Variants in ZNF503 observed in about 807,000 individuals in gnomAD.
ZNF503 encodes NocA-like zinc finger 2.
Under a neutral mutation model 34.4 loss-of-function variants are expected in ZNF503, and 15 were observed. The ratio of observed to expected loss-of-function variants is 0.44; its 90% confidence interval spans 0.29 to 0.67. The LOEUF is 0.67. ZNF503 is among the 30% of genes least tolerant of loss of function. The pLI is 0.13. For missense variants in ZNF503, 1,007 were observed against 926.8 expected, an observed-to-expected ratio of 1.09 and a Z score of -1.12; for synonymous variants, 580 against 456.8, an observed-to-expected ratio of 1.27 and a Z score of -3.44.
At chr10:75,383,366 C>T in the ZNF503 span, among the ~76,000 whole-genome samples, 1 of 152,206 alleles carries the variant, frequency 6.6e-6, no homozygotes, top group Non-Finnish European at 1.5e-5. Context: ...AATCCTCTTC[C>T]TCTAAGGCTC....
chr10:75,374,347 G>A, the ZNF503 span, among the ~76,000 whole-genome samples: 40 of 152,162 alleles, frequency 2.6e-4, no homozygotes, highest in African/African-American at 8.7e-4. Context: ...AGTAAGTCAC[G>A]TCCACTGTTC....
At chr10:75,369,167 C>T in the ZNF503 span, among the ~76,000 whole-genome samples, 4 of 152,106 alleles carry the variant, frequency 2.6e-5, no homozygotes, top group Non-Finnish European at 5.9e-5. Flanking sequence ...TAATAAAACA[C>T]GGGTATAGAA....
the ZNF503 span, among the ~76,000 whole-genome samples, chr10:75,293,150 G>A: frequency 1.7e-4 from 26 of 152,222 alleles, no homozygotes; most frequent in African/African-American, 6.0e-4. Context: ...GTTCGTTGGA[G>A]AAGGGGGCTG....
At chr10:75,343,595 C>A in the ZNF503 span, among the ~76,000 whole-genome samples, 2 of 152,364 alleles carry the variant, frequency 1.3e-5, no homozygotes, top group South Asian at 2.1e-4. Context: ...GTTCAGGGGG[C>A]CTCCCCTTTC....
the ZNF503 span, among the ~76,000 whole-genome samples, chr10:75,349,440 T>TG: frequency 5.2e-5 from 8 of 152,382 alleles, no homozygotes; most frequent in South Asian, 1.4e-3. Flanking sequence ...TGAGTTTTAA[T>TG]GTTAATCTTA....
At chr10:75,289,057 G>C in the ZNF503 span, among the ~76,000 whole-genome samples, 1 of 152,162 alleles carries the variant, frequency 6.6e-6, no homozygotes, top group East Asian at 1.9e-4. Context: ...TATGGAAAGA[G>C]GGCGGCCCTG....
chr10:75,373,472 C>T, the ZNF503 span: 1 of 152,218 alleles, frequency 6.6e-6, no homozygotes. Flanking sequence ...AAGACACTCA[C>T]CTCGCAGACT....
At chr10:75,372,998 AGAAG>A in the ZNF503 span, among the ~76,000 whole-genome samples, 1 of 152,202 alleles carries the variant, frequency 6.6e-6, no homozygotes, top group African/African-American at 2.4e-5. Flanking sequence ...GAGGAAGGAA[AGAAG>A]GAAGGGAGGC....
chr10:75,321,996 T>G, the ZNF503 span, among the ~76,000 whole-genome samples: 32,928 of 152,096 alleles, frequency 0.22, 3,947 homozygotes, highest in African/African-American at 0.31. Flanking sequence ...TTTTAGTAGT[T>G]GCCATGGAGC....
At chr10:75,298,013 G>A in the ZNF503 span, among the ~76,000 whole-genome samples, 1 of 152,150 alleles carries the variant, frequency 6.6e-6, no homozygotes, top group Non-Finnish European at 1.5e-5. Context: ...ACAATCCAAT[G>A]ATTTTTTAGT....
chr10:75,383,358 T>A, the ZNF503 span, among the ~76,000 whole-genome samples: 2 of 152,130 alleles, frequency 1.3e-5, no homozygotes, highest in Non-Finnish European at 2.9e-5. Context: ...ACAGGTCCAA[T>A]CCTCTTCCTC....
At chr10:75,392,465 G>T in the ZNF503 span, among the ~76,000 whole-genome samples, 1 of 152,182 alleles carries the variant, frequency 6.6e-6, no homozygotes, top group African/African-American at 2.4e-5. Context: ...AAATCTAGAG[G>T]GCTTCCTGGA....
the ZNF503 span, among the ~76,000 whole-genome samples, chr10:75,349,906 G>A: frequency 2.6e-5 from 4 of 152,278 alleles, no homozygotes; most frequent in Non-Finnish European, 5.9e-5. Flanking sequence ...AAAGCCTGTC[G>A]GAAATATACA....
the ZNF503 span, among the ~76,000 whole-genome samples, chr10:75,371,624 G>A: frequency 6.6e-6 from 1 of 152,116 alleles, no homozygotes; most frequent in Non-Finnish European, 1.5e-5. Context: ...TTTGTGATTG[G>A]CCCAGCTTGG....
chr10:75,346,954 C>T, the ZNF503 span, among the ~76,000 whole-genome samples: 4 of 152,006 alleles, frequency 2.6e-5, no homozygotes, highest in African/African-American at 9.7e-5. Flanking sequence ...GGCCAGGCGC[C>T]CCCATTTTCA....
chr10:75,350,856 G>T, the ZNF503 span, among the ~76,000 whole-genome samples: 1 of 152,068 alleles, frequency 6.6e-6, no homozygotes, highest in Non-Finnish European at 1.5e-5. Flanking sequence ...GTCCAGCCTG[G>T]CACTTTTTCT....
Position 75,399,934 on chromosome 10 carries a change from C to G in ZNF503, c.756G>C (p.Lys252Asn). The change falls in exon 2 of 2, where the codon AAG becomes AAC. Residue 252 changes from lysine to asparagine, a missense_variant. Transcript: ENST00000372524. ...LSSAGGAPEG[K>N]DDKKDTDVGG... ...CCACGTCGGTGTCTTTCTTGTCGTC[C>G]TTGCCCTCCGGGGCACCCCCGGCCG... 1 of 1,606,642 alleles carries G rather than the reference C, an allele frequency of 6.2e-7. No individual in the cohort carries two copies. Among genetic ancestry groups the G allele is most frequent in the Non-Finnish European group, 8.5e-7 (1 of 1,179,344 alleles).
chr10:75,368,133 T>G, the ZNF503 span, among the ~76,000 whole-genome samples: 2 of 152,180 alleles, frequency 1.3e-5, no homozygotes, highest in Non-Finnish European at 2.9e-5. Context: ...ATCATTCCTC[T>G]TAGGCTACCC....
the ZNF503 span, among the ~76,000 whole-genome samples, chr10:75,346,431 TTTTTC>T: frequency 4.1e-4 from 63 of 152,070 alleles, 1 homozygote; most frequent in East Asian, 0.011. Flanking sequence ...TTCTCTATCT[TTTTTC>T]TTTTCTTTTT....
Sources: gnomAD v4.1 joint callset for allele counts (sites outside exome capture counted in the v4.1 genomes callset) on GRCh38, gnomAD v4.1.1 for gene constraint, MANE v1.5 for transcripts, NCBI Gene and HGNC (gene_info 2026-07-23, HGNC 2026-07-21) for gene names.